The following PPFIA2 variants were observed in gnomAD, a reference collection of about 807,000 sequenced individuals.
PPFIA2 encodes PPFI scaffold protein A2, also known as liprin-alpha-2.
PPFIA2 carries 46 observed loss-of-function variants against 175.5 expected under a neutral mutation model. That is an observed-to-expected ratio of 0.26 (90% CI 0.21 to 0.34). The LOEUF (loss-of-function observed/expected upper bound fraction) is 0.34, where lower values mean the gene tolerates loss of function less well. PPFIA2 is among the 10% of genes least tolerant of loss of function. The pLI, the probability that PPFIA2 is intolerant of heterozygous loss-of-function variation, is 1.00. For missense variants in PPFIA2, 1,179 were observed against 1,506.1 expected (o/e 0.78, Z 3.60); for synonymous variants, 568 against 511.4 (o/e 1.11, Z -1.49).
intron 14 of PPFIA2, among the ~76,000 whole-genome samples, chr12:81,365,451 T>C (rs1184386740): frequency 6.6e-6 from 1 of 151,724 alleles, no homozygotes; most frequent in Non-Finnish European, 1.5e-5. Context: ...TTGTTGGAGT[T>C]ACAAGGCTTT....
At chr12:81,405,671 T>C in intron 8 of PPFIA2, 116 bp downstream of exon 8, 2 of 620,518 alleles carry the variant, frequency 3.2e-6, no homozygotes, top group South Asian at 2.4e-5. Context: ...CCTTGAACCT[T>C]TGACCAAAGA....
At position 81,459,114 on chromosome 12, in the gene PPFIA2, T is replaced by G. The variant is rs571494199; in HGVS notation, c.304-1248A>C. ...AGCCCAAGTGAGTACTTCAAAGATC[T>G]CAGAGTAGGCTTCAGGGCTTAGATT... On this transcript the variant is annotated intron_variant, in intron 4 of 32. Transcript: ENST00000549396. Among the ~76,000 whole-genome samples the G allele has an allele frequency of 2.0e-5, 3 of 152,316 alleles. No individual in the cohort carries two copies. In the South Asian group the frequency reaches 6.2e-4, roughly 32 times the overall value.
chr12:81,309,023 A>C (rs2050043134), intron 22 of PPFIA2, among the ~76,000 whole-genome samples: 1 of 152,212 alleles, frequency 6.6e-6, no homozygotes, highest in Admixed American at 6.5e-5. Context: ...AATATAAGTC[A>C]AATAATGTGA....
intron 3 of PPFIA2, among the ~76,000 whole-genome samples, chr12:81,752,248 A>T (rs1295432937): frequency 1.3e-5 from 2 of 152,126 alleles, no homozygotes; most frequent in Admixed American, 1.3e-4. Flanking sequence ...AGAAGAAATG[A>T]TTGCCCCATT....
intron 7 of PPFIA2, among the ~76,000 whole-genome samples, chr12:81,436,274 C>T (rs1427027337): frequency 7.2e-5 from 6 of 82,906 alleles, no homozygotes; most frequent in African/African-American, 2.8e-4. Flanking sequence ...GAGTGAGACC[C>T]TGTCTAAAAA....
chr12:81,434,023 G>A (rs1232670554), intron 7 of PPFIA2, among the ~76,000 whole-genome samples: 1 of 151,936 alleles, frequency 6.6e-6, no homozygotes, highest in Non-Finnish European at 1.5e-5. Context: ...GGGTTATGGA[G>A]GTATTCCAGG....
At chr12:81,396,594 G>A (rs1406081976) in intron 8 of PPFIA2, among the ~76,000 whole-genome samples, 1 of 152,050 alleles carries the variant, frequency 6.6e-6, no homozygotes, top group East Asian at 1.9e-4. Flanking sequence ...GCAGAGTTTT[G>A]AGCAGACGAT....
chr12:81,344,542 C>G, intron 19 of PPFIA2, 122 bp downstream of exon 19: 1 of 640,408 alleles, frequency 1.6e-6, no homozygotes. Flanking sequence ...ATTCAATACA[C>G]TTTAAATACT....
chr12:81,717,776 G>C (rs2078826625), intron 3 of PPFIA2, among the ~76,000 whole-genome samples: 2 of 151,704 alleles, frequency 1.3e-5, no homozygotes, highest in Admixed American at 6.6e-5. Flanking sequence ...CATGTAAGGA[G>C]AATCTGAGAT....
intron 19 of PPFIA2, among the ~76,000 whole-genome samples, chr12:81,342,543 A>G (rs970948993): frequency 1.3e-5 from 2 of 152,126 alleles, no homozygotes; most frequent in Non-Finnish European, 2.9e-5. Context: ...TTAGGTAGGT[A>G]GGCATTTTTA....
At chr12:81,391,361 A>C (rs1278058393) in intron 8 of PPFIA2, among the ~76,000 whole-genome samples, 1 of 151,900 alleles carries the variant, frequency 6.6e-6, no homozygotes. Context: ...AGAGCAGAAA[A>C]CATGTGCTAT....
rs10623632 is a variant in PPFIA2 at position 81,278,540 on chromosome 12, C to CAAAA, written c.3213-1130_3213-1127dup. Among the ~76,000 whole-genome samples the CAAAA allele has an allele frequency of 9.2e-3, 1,254 of 136,540 alleles. 24 individuals carry two copies. The highest frequency in any genetic ancestry group is 0.032 in the African/African-American group (1,163 of 36,048). The allele number at this position is 136,540 out of a possible 152,430, so 89.6% of individuals were successfully genotyped here. A position where few individuals can be genotyped will look rare whatever the true frequency, so the allele number is the denominator to read the frequency against. On this transcript the variant is annotated intron_variant, in intron 27 of 32. Transcript: ENST00000549396. ...GGGCAACAGAGTGAGACTCCATCTCCAAAAAAAAAAAAAAAGTTTTCTGTT... is the reference window on the plus strand; with the variant it reads ...GGGCAACAGAGTGAGACTCCATCTCCAAAAAAAAAAAAAAAAAAAGTTTTCTGTT...
chr12:81,532,363 C>T (rs774902806), intron 4 of PPFIA2, among the ~76,000 whole-genome samples: 6 of 151,682 alleles, frequency 4.0e-5, no homozygotes, highest in Non-Finnish European at 8.9e-5. Context: ...ATCATATAGT[C>T]CCTGAGAGAC....
intron 7 of PPFIA2, among the ~76,000 whole-genome samples, chr12:81,408,764 GT>G (rs1181478297): frequency 6.6e-6 from 1 of 152,126 alleles, no homozygotes; most frequent in Non-Finnish European, 1.5e-5. Context: ...TGCAAACTTT[GT>G]TTTGTAAAAA....
intron 3 of PPFIA2, among the ~76,000 whole-genome samples, chr12:81,743,801 C>A (rs1476178435): frequency 2.0e-5 from 3 of 149,990 alleles, no homozygotes; most frequent in South Asian, 2.1e-4. Flanking sequence ...TAGGCAGTGC[C>A]TTCTTATTTG....
At chr12:81,293,114 T>C (rs2045484228) in intron 24 of PPFIA2, among the ~76,000 whole-genome samples, 1 of 152,060 alleles carries the variant, frequency 6.6e-6, no homozygotes, top group Admixed American at 6.6e-5. Context: ...AATAAGACTT[T>C]TTAATATTTT....
At chr12:81,673,295 C>G (rs1465708943) in intron 4 of PPFIA2, among the ~76,000 whole-genome samples, 1 of 152,018 alleles carries the variant, frequency 6.6e-6, no homozygotes, top group East Asian at 1.9e-4. Context: ...TGCATTGCAC[C>G]CCAGTACTTC....
At chr12:81,392,439 G>T (rs1398533034) in intron 8 of PPFIA2, among the ~76,000 whole-genome samples, 5 of 151,938 alleles carry the variant, frequency 3.3e-5, no homozygotes. Context: ...GTGAATATAT[G>T]GATGTTTTCT....
chr12:81,412,125 T>G (rs1183085432), intron 7 of PPFIA2, among the ~76,000 whole-genome samples: 2 of 151,898 alleles, frequency 1.3e-5, no homozygotes, highest in African/African-American at 4.8e-5. Flanking sequence ...AGGAAACATA[T>G]TATCATGAAA....
Sources: allele counts gnomAD v4.1 joint callset (sites outside exome capture counted in the v4.1 genomes callset), GRCh38; gene constraint gnomAD v4.1.1; transcripts MANE v1.5; gene names NCBI Gene and HGNC (gene_info 2026-07-23, HGNC 2026-07-21).